PLEKHG4B: variants seen among roughly 807,000 people sequenced by gnomAD.
PLEKHG4B encodes pleckstrin homology domain-containing family G member 4B.
Under a neutral mutation model 121.3 loss-of-function variants are expected in PLEKHG4B, and 111 were observed. The ratio of observed to expected loss-of-function variants is 0.92; its 90% CI spans 0.78 to 1.07. PLEKHG4B has a LOEUF of 1.07. PLEKHG4B is among the 50% of genes least tolerant of loss of function. The pLI is 0.00. For missense variants in PLEKHG4B, 1,831 were observed against 1,757.8 expected (o/e 1.04, Z -0.74); for synonymous variants, 738 against 725.0 (o/e 1.02, Z -0.29).
chr5:136,927 T>C (rs1735001827), intron 2 of PLEKHG4B, among the ~76,000 whole-genome samples: 1 of 152,192 alleles, frequency 6.6e-6, no homozygotes, highest in African/African-American at 2.4e-5. Flanking sequence ...AGCAGCATTA[T>C]TCACAGCAGA....
At chr5:178,608 T>C (rs1736837289) in intron 18 of PLEKHG4B, among the ~76,000 whole-genome samples, 2 of 152,246 alleles carry the variant, frequency 1.3e-5, no homozygotes, top group African/African-American at 4.8e-5. Flanking sequence ...TTCTTTTTGT[T>C]CTGTCAATTT....
In PLEKHG4B at chr5:181,743, G is replaced by A. The variant is rs539003435; in HGVS notation, c.4564+68G>A. On this transcript the variant is annotated intron_variant, in intron 19 of 19. Transcript: ENST00000637938. ...ACTGGGCCTGTCATCAAGGGCATGG[G>A]TACGGTGGCATCGGCCCCACCCTCA... 42 of 1,555,354 alleles carry A rather than the reference G, an allele frequency of 2.7e-5. 1 individual carries two copies. The East Asian group carries it at 9.0e-4, about 33-fold the overall frequency.
In PLEKHG4B at chr5:125,971, A is replaced by G. The variant is rs139201364; in HGVS notation, c.243+12523A>G. On this transcript the variant is annotated intron_variant, in intron 2 of 19. Transcript: ENST00000637938. ...GATTCTGATGCAAAATATGCCGACA[A>G]TCTTATTAAGGTTGTTGCATGTGAT... Among the ~76,000 whole-genome samples the G allele has an allele frequency of 4.4e-3, 663 of 152,290 alleles. 7 individuals carry two copies. Among genetic ancestry groups the G allele is most frequent in the Non-Finnish European group, 6.6e-3 (451 of 68,030 alleles).
intron 12 of PLEKHG4B, 145 bp from the exon 13 acceptor site, chr5:162,577 C>T (rs1736052975): frequency 1.6e-5 from 9 of 557,510 alleles, no homozygotes; most frequent in Non-Finnish European, 2.5e-5. Flanking sequence ...GGCCACAGCC[C>T]CCACTGGGTG....
In PLEKHG4B at chr5:145,672, C is replaced by G. The variant is rs574499745; in HGVS notation, c.1905+752C>G. On this transcript the variant is annotated intron_variant, in intron 6 of 19. Transcript: ENST00000637938. ...CTGTGTGTGGCCTAGGGGCCCTGCA[C>G]TGAACCATAAGCAACATCCAGAGAT... Among the ~76,000 whole-genome samples the G allele has an allele frequency of 1.1e-4, 16 of 152,304 alleles. No homozygotes were observed. In the East Asian group the frequency reaches 2.7e-3, roughly 26 times the overall value.
chr5:161,324 T>C (rs1735992177), intron 11 of PLEKHG4B, among the ~76,000 whole-genome samples: 1 of 152,258 alleles, frequency 6.6e-6, no homozygotes, highest in South Asian at 2.1e-4. Flanking sequence ...AGTTTCAAAA[T>C]GGAAAGTCCT....
chr5:105,501 C>T (rs1397593474), intron 1 of PLEKHG4B, among the ~76,000 whole-genome samples: 3 of 152,204 alleles, frequency 2.0e-5, no homozygotes, highest in African/African-American at 7.2e-5. Context: ...TGGTATCATC[C>T]AGAATTAGTT....
At chr5:117,550 C>G (rs1734340462) in intron 2 of PLEKHG4B, among the ~76,000 whole-genome samples, 2 of 152,100 alleles carry the variant, frequency 1.3e-5, no homozygotes. Context: ...AGAAATGTGT[C>G]TGGAGAAGTT....
At chr5:164,596 C>CTGG (rs139741779) in intron 13 of PLEKHG4B, among the ~76,000 whole-genome samples, 1 of 45,124 alleles carries the variant, frequency 2.2e-5, no homozygotes, top group Non-Finnish European at 4.8e-5. Flanking sequence ...AATGCTGTGA[C>CTGG]GGAGCGGAGC....
chr5:181,879 T>C, intron 19 of PLEKHG4B, 125 bp from the exon 20 acceptor site: 1 of 1,304,188 alleles, frequency 7.7e-7, no homozygotes, highest in Non-Finnish European at 1.1e-6. Context: ...ACATGGTGGG[T>C]TGGATGGGCA....
intron 4 of PLEKHG4B, 55 bp downstream of exon 4, chr5:143,311 AG>A: frequency 2.5e-6 from 4 of 1,607,850 alleles, no homozygotes; most frequent in Non-Finnish European, 3.4e-6. Flanking sequence ...CTAAGCCGAC[AG>A]CACAGACCCA....
At position 139,409 on chromosome 5, in the gene PLEKHG4B, G is replaced by A; in HGVS notation, c.244-74G>A. On this transcript the variant is annotated intron_variant, in intron 2 of 19. Transcript: ENST00000637938. The surrounding 1 kb of genome is among the most constrained non-coding windows in gnomAD (Gnocchi z 5.0). ...TCAGTCACTGACCTTCCCCTGAGGG[G>A]TGGAGACCCAGGGCATGGAAGGGCT... is the stretch of plus-strand genomic sequence containing the variant. 2.5e-6 allele frequency: 1 copy of A among 398,768 alleles called. No homozygotes were observed. Among genetic ancestry groups the A allele is most frequent in the Non-Finnish European group, 4.4e-6 (1 of 226,226 alleles). 24.7% of individuals were successfully genotyped at this position (398,768 alleles called of 1,614,324 possible). A position where few individuals can be genotyped will look rare whatever the true frequency, so the allele number is the denominator to read the frequency against.
At position 161,900 on chromosome 5, in the gene PLEKHG4B, G is replaced by A. The variant is rs945761031; in HGVS notation, c.2605G>A (p.Gly869Arg). Residue 869 changes from glycine (G) to arginine (R), a missense_variant, in exon 12 of 20, where the codon GGA becomes AGA. By Grantham distance (125) the Gly-to-Arg change is moderately radical. Transcript: ENST00000637938. ...GGTCAGCCAGGCTGAGTGCAGGGAG[G>A]GAGAGCTGGCCAGGTGGACCCGCTC... ...AVVSQAECRE[G>R]ELARWTRSSE... The A allele has an allele frequency of 1.2e-6, 2 of 1,613,528 alleles. No individual in the cohort carries two copies. The highest frequency in any genetic ancestry group is 1.7e-6 in the Non-Finnish European group (2 of 1,179,994).
intron 18 of PLEKHG4B, among the ~76,000 whole-genome samples, chr5:175,018 A>G (rs919817542): frequency 1.1e-4 from 16 of 152,178 alleles, no homozygotes; most frequent in African/African-American, 3.9e-4. Context: ...TCAGCACTTG[A>G]CAAGAAAGCT....
rs565238639 is a variant in PLEKHG4B at position 93,833 on chromosome 5, C to G, written c.45+1557C>G. On this transcript the variant is annotated intron_variant, in intron 1 of 19. Coordinates refer to ENST00000637938, the MANE Select transcript of PLEKHG4B (RefSeq NM_052909.5). ...AATGCTGGGCTGAGGAAGTAATTTGCCCCAAGGCTCCCTGAGACCTGTATT... is the reference window on the plus strand; with the variant it reads ...AATGCTGGGCTGAGGAAGTAATTTGGCCCAAGGCTCCCTGAGACCTGTATT... 7.2e-5 allele frequency among the ~76,000 whole-genome samples: 11 copies of G among 152,222 alleles called. No individual in the cohort carries two copies. The South Asian group carries it at 2.3e-3, about 32-fold the overall frequency.
Position 140,609 on chromosome 5 carries a change from C to G in PLEKHG4B, c.1370C>G (p.Thr457Ser). The change falls in exon 3 of 20, where the codon ACC becomes AGC. Residue 457 changes from threonine to serine, a missense_variant. Thr to Ser is a moderately conservative substitution (Grantham distance 58). Transcript: ENST00000637938. ...GGGGCCCAGGCTGCAGCCTGCCACA[C>G]CTCCCACCACTCAGCAGGCTCCAGG... ...SRGAQAAACH[T>S]SHHSAGSRPG... 6.2e-7 allele frequency: 1 copy of G among 1,610,952 alleles called. No homozygotes were observed. Among genetic ancestry groups the G allele is most frequent in the Non-Finnish European group, 8.5e-7 (1 of 1,178,988 alleles).
rs545694718 is a variant in PLEKHG4B at position 109,552 on chromosome 5, G to A, written c.46-3699G>A. Among the ~76,000 whole-genome samples the A allele has an allele frequency of 2.6e-5, 4 of 152,296 alleles. No individual in the cohort carries two copies. In the East Asian group the frequency reaches 5.8e-4, roughly 22 times the overall value. On this transcript the variant is annotated intron_variant, in intron 1 of 19. Transcript: ENST00000637938. ...GTGCCAGAGGGACACGCTAACCCACGGGTGACACAGAAGCTGGGCTGGGCT... is the reference window on the plus strand; with the variant it reads ...GTGCCAGAGGGACACGCTAACCCACAGGTGACACAGAAGCTGGGCTGGGCT...
At chr5:175,591 G>A (rs555957103) in intron 18 of PLEKHG4B, among the ~76,000 whole-genome samples, 10 of 150,770 alleles carry the variant, frequency 6.6e-5, no homozygotes, top group South Asian at 4.2e-4. Flanking sequence ...GCTCCTGCAC[G>A]GCTGCACCCC....
Position 186,722 on chromosome 5 carries a change from C to T in PLEKHG4B, c.*4399C>T, listed in dbSNP as rs952944523. 11 of 152,774 alleles carry T rather than the reference C, an allele frequency of 7.2e-5. No homozygotes were observed. Among genetic ancestry groups the T allele is most frequent in the African/African-American group, 1.9e-4 (8 of 41,440 alleles). 9.5% of individuals were successfully genotyped at this position (152,774 alleles called of 1,614,324 possible). A position where few individuals can be genotyped will look rare whatever the true frequency, so the allele number is the denominator to read the frequency against. On this transcript the variant is annotated 3_prime_UTR_variant, in exon 20 of 20. Transcript: ENST00000637938. ...AGGGTTTGTGGCCACAGCCCCACAG[C>T]GGCCCCCTCGCCTCGACCACCAGTG... is the stretch of plus-strand genomic sequence containing the variant.
Sources: gnomAD v4.1 joint callset for allele counts (sites outside exome capture counted in the v4.1 genomes callset) on GRCh38, gnomAD v4.1.1 for gene constraint, Gnocchi (gnomAD v3.1) non-coding constraint, MANE v1.5 for transcripts, NCBI Gene and HGNC (gene_info 2026-07-23, HGNC 2026-07-21) for gene names.